The following CMTM8 variants were observed in gnomAD, a reference collection of about 807,000 sequenced individuals.
The protein encoded by CMTM8 is CKLF-like MARVEL transmembrane domain-containing protein 8.
In CMTM8, 12 loss-of-function variants were observed where a neutral mutation model predicts 18.6. The observed-to-expected ratio is 0.65, with a 90% CI of 0.41 to 1.05. The LOEUF is 1.05. Ranked by LOEUF, CMTM8 falls within the 50% of genes least tolerant of loss-of-function variation. The pLI is 0.00. For synonymous variants in CMTM8, 87 were observed against 90.6 expected, an observed-to-expected ratio of 0.96 and a Z score of 0.23; for missense variants, 217 against 227.2, an observed-to-expected ratio of 0.95 and a Z score of 0.29.
chr3:32,276,287 GAGAAAAGA>G (rs1198942986), intron 1 of CMTM8, among the ~76,000 whole-genome samples: 1 of 152,186 alleles, frequency 6.6e-6, no homozygotes, highest in Non-Finnish European at 1.5e-5. Flanking sequence ...AGGGGGTGCA[GAGAAAAGA>G]CTTCTCACCA....
intron 1 of CMTM8, among the ~76,000 whole-genome samples, chr3:32,241,234 C>T (rs1701943289): frequency 6.6e-6 from 1 of 152,152 alleles, no homozygotes; most frequent in African/African-American, 2.4e-5. Flanking sequence ...TTATCCATTG[C>T]CTTTCTACTC....
intron 1 of CMTM8, among the ~76,000 whole-genome samples, chr3:32,347,440 C>G (rs1224109537): frequency 6.6e-6 from 1 of 151,148 alleles, no homozygotes; most frequent in Admixed American, 6.6e-5. Flanking sequence ...TTGGCCACCC[C>G]CCGGCACAGC....
At chr3:32,262,333 G>A (rs1015827056) in intron 1 of CMTM8, among the ~76,000 whole-genome samples, 1 of 152,216 alleles carries the variant, frequency 6.6e-6, no homozygotes, top group African/African-American at 2.4e-5. Context: ...TTCCTTCTAA[G>A]TCTAGGATGG....
intron 1 of CMTM8, among the ~76,000 whole-genome samples, chr3:32,316,017 C>CTTTTTTTT (rs150112865): frequency 1.5e-5 from 1 of 65,036 alleles, no homozygotes; most frequent in Non-Finnish European, 2.7e-5. Context: ...GTGATTCCAC[C>CTTTTTTTT]TTTTTTTTTT....
chr3:32,285,503 A>G (rs1702667512), intron 1 of CMTM8, among the ~76,000 whole-genome samples: 1 of 124,816 alleles, frequency 8.0e-6, no homozygotes, highest in Non-Finnish European at 1.8e-5. Flanking sequence ...ACAGAGCGAG[A>G]TTCTATCTCA....
In CMTM8 at chr3:32,357,463, T is replaced by C. The variant is rs1336620086; in HGVS notation, c.238T>C (p.Tyr80His). 2 of 1,614,010 alleles carry C rather than the reference T, an allele frequency of 1.2e-6. No individual in the cohort carries two copies. The highest frequency in any genetic ancestry group is 2.2e-5 in the South Asian group (2 of 91,082). The stretch of plus-strand genomic sequence containing the variant: ...CTGGGTCATGTTTGTAGCTGTATTT[T>C]ACTGGGTCCTCACCGTCTTCTTCCT... ...FGWVMFVAVF[Y>H]WVLTVFFLII... Residue 80 changes from tyrosine (Y) to histidine (H), a missense_variant, in exon 2 of 4, where the codon TAC (tyrosine) becomes CAC (histidine). Physicochemically the swap from Tyr to His is moderately conservative, Grantham distance 83. Transcript: ENST00000307526.
intron 1 of CMTM8, among the ~76,000 whole-genome samples, chr3:32,333,513 A>G (rs1696321200): frequency 6.6e-6 from 1 of 152,100 alleles, no homozygotes; most frequent in Admixed American, 6.6e-5. Context: ...AGCACTGGGC[A>G]ATGTTTCATT....
intron 1 of CMTM8, among the ~76,000 whole-genome samples, chr3:32,273,129 A>ATGTGTG (rs60162265): frequency 0.02 from 2,904 of 142,974 alleles, 41 homozygotes; most frequent in Middle Eastern, 0.067. Context: ...ATTGGAACAA[A>ATGTGTG]TGTGTGTGTG....
At chr3:32,279,949 A>G (rs1329136915) in intron 1 of CMTM8, among the ~76,000 whole-genome samples, 4 of 151,306 alleles carry the variant, frequency 2.6e-5, no homozygotes, top group Non-Finnish European at 4.4e-5. Context: ...GCATTTTTTC[A>G]TGTGTTTTTT....
At chr3:32,347,676 G>GT (rs1696627890) in intron 1 of CMTM8, among the ~76,000 whole-genome samples, 1 of 152,136 alleles carries the variant, frequency 6.6e-6, no homozygotes, top group African/African-American at 2.4e-5. Flanking sequence ...TATCTTGGAT[G>GT]TATTTCTCCT....
At chr3:32,261,891 T>C (rs1166645464) in intron 1 of CMTM8, among the ~76,000 whole-genome samples, 1 of 152,194 alleles carries the variant, frequency 6.6e-6, no homozygotes, top group Non-Finnish European at 1.5e-5. Flanking sequence ...AAGTAGAATA[T>C]TCATTGTCTT....
chr3:32,268,433 G>A (rs957886529), intron 1 of CMTM8, among the ~76,000 whole-genome samples: 10 of 152,064 alleles, frequency 6.6e-5, no homozygotes, highest in Admixed American at 4.6e-4. Flanking sequence ...ATCACACCCC[G>A]GGGCCTGTTG....
At chr3:32,337,349 C>T (rs1426786672) in intron 1 of CMTM8, among the ~76,000 whole-genome samples, 1 of 152,186 alleles carries the variant, frequency 6.6e-6, no homozygotes, top group Non-Finnish European at 1.5e-5. Context: ...CCTGCACGGA[C>T]AGAGGTGGCC....
intron 1 of CMTM8, among the ~76,000 whole-genome samples, chr3:32,311,603 C>A (rs989966547): frequency 6.6e-6 from 1 of 152,220 alleles, no homozygotes; most frequent in Non-Finnish European, 1.5e-5. Context: ...ATCCCATGTG[C>A]AATGTCCTCT....
chr3:32,287,632 G>A (rs1200117789), intron 1 of CMTM8, among the ~76,000 whole-genome samples: 1 of 152,178 alleles, frequency 6.6e-6, no homozygotes, highest in Non-Finnish European at 1.5e-5. Flanking sequence ...AGGGAAATAA[G>A]GCTTTATTAG....
At chr3:32,249,030 CTTTTTTTTTTT>C (rs58156524) in intron 1 of CMTM8, among the ~76,000 whole-genome samples, 15 of 62,462 alleles carry the variant, frequency 2.4e-4, no homozygotes, top group African/African-American at 8.9e-4. Context: ...AATGTGGAAT[CTTTTTTTTTTT>C]TTTTTTTTTT....
chr3:32,273,958 T>G (rs755081194), intron 1 of CMTM8, among the ~76,000 whole-genome samples: 3 of 152,150 alleles, frequency 2.0e-5, no homozygotes, highest in African/African-American at 4.8e-5. Context: ...GATTCTTGTT[T>G]TATTTAATTT....
At chr3:32,276,680 G>C (rs577727595) in intron 1 of CMTM8, among the ~76,000 whole-genome samples, 5 of 152,130 alleles carry the variant, frequency 3.3e-5, no homozygotes, top group Non-Finnish European at 7.4e-5. Flanking sequence ...CTTGTAACCC[G>C]TGTCGTCAAT....
At chr3:32,339,308 G>A (rs575637021) in intron 1 of CMTM8, among the ~76,000 whole-genome samples, 2 of 152,148 alleles carry the variant, frequency 1.3e-5, no homozygotes, top group Non-Finnish European at 2.9e-5. Flanking sequence ...GCAAGAATAA[G>A]GTAATTCACA....
Sources: gnomAD v4.1 joint callset for allele counts (sites outside exome capture counted in the v4.1 genomes callset) on GRCh38, gnomAD v4.1.1 for gene constraint, MANE v1.5 for transcripts, NCBI Gene and HGNC (gene_info 2026-07-23, HGNC 2026-07-21) for gene names.